AGBL1: variants seen among roughly 807,000 people sequenced by gnomAD.
The protein encoded by AGBL1 is AGBL carboxypeptidase 1, also known as cytosolic carboxypeptidase 4.
AGBL1 carries 130 observed loss-of-function variants against 118.9 expected under a neutral mutation model. That is an observed-to-expected ratio of 1.09 (90% CI 0.95 to 1.26). The LOEUF is 1.26. AGBL1 is among the 50% of genes most tolerant of loss of function. AGBL1 has a pLI of 0.00. For synonymous variants in AGBL1, 555 were observed against 478.9 expected (o/e 1.16, Z -2.08); for missense variants, 1,584 against 1,298.1 (o/e 1.22, Z -3.38).
At chr15:86,354,834 A>G (rs1217729518) in intron 17 of AGBL1, among the ~76,000 whole-genome samples, 4 of 152,238 alleles carry the variant, frequency 2.6e-5, no homozygotes, top group African/African-American at 9.6e-5. Context: ...GTAATTGTAC[A>G]AGCCATTAAA....
intron 22 of AGBL1, among the ~76,000 whole-genome samples, chr15:86,807,926 G>A (rs916809081): frequency 1.3e-5 from 2 of 152,114 alleles, no homozygotes; most frequent in South Asian, 4.1e-4. Context: ...GCATCAGAGT[G>A]TGAATATAAG....
chr15:86,831,871 G>T (rs551211102), intron 22 of AGBL1, among the ~76,000 whole-genome samples: 2 of 152,158 alleles, frequency 1.3e-5, no homozygotes, highest in African/African-American at 4.8e-5. Flanking sequence ...CCCTAGCAGA[G>T]GTTCTCCATG....
intron 22 of AGBL1, among the ~76,000 whole-genome samples, chr15:86,701,725 C>A (rs2086362170): frequency 1.4e-5 from 2 of 143,954 alleles, no homozygotes; most frequent in Non-Finnish European, 3.0e-5. Context: ...CCACTCCCTT[C>A]CCTCCACTCC....
intron 22 of AGBL1, among the ~76,000 whole-genome samples, chr15:86,722,084 A>G (rs1310580889): frequency 1.3e-5 from 2 of 152,120 alleles, no homozygotes; most frequent in Admixed American, 6.5e-5. Flanking sequence ...ATACTGCCCA[A>G]GGTAATTTAT....
At chr15:86,748,089 A>C (rs1402007891) in intron 22 of AGBL1, among the ~76,000 whole-genome samples, 3 of 152,034 alleles carry the variant, frequency 2.0e-5, no homozygotes, top group African/African-American at 4.8e-5. Flanking sequence ...GTTTATAATC[A>C]CATCAACAGT....
At chr15:86,509,802 C>T (rs551307870) in intron 18 of AGBL1, among the ~76,000 whole-genome samples, 1 of 152,168 alleles carries the variant, frequency 6.6e-6, no homozygotes, top group African/African-American at 2.4e-5. Context: ...GAGAAAGTCA[C>T]CTTGGATAGA....
intron 22 of AGBL1, among the ~76,000 whole-genome samples, chr15:86,837,945 A>G (rs1039757563): frequency 6.6e-6 from 1 of 152,188 alleles, no homozygotes; most frequent in Non-Finnish European, 1.5e-5. Flanking sequence ...TTCTCTGTGC[A>G]ATCCGGAATG....
intron 22 of AGBL1, among the ~76,000 whole-genome samples, chr15:86,753,760 C>T (rs1027416854): frequency 6.6e-6 from 1 of 152,044 alleles, no homozygotes; most frequent in Admixed American, 6.6e-5. Context: ...AGAGATGCCC[C>T]TTTATCTCAC....
chr15:86,605,113 G>A (rs1024791014), intron 21 of AGBL1, among the ~76,000 whole-genome samples: 4 of 151,644 alleles, frequency 2.6e-5, no homozygotes, highest in African/African-American at 9.7e-5. Flanking sequence ...TTTCATATGT[G>A]GTAGTCAAAA....
At chr15:86,843,969 T>C (rs1013246895) in intron 22 of AGBL1, among the ~76,000 whole-genome samples, 1 of 152,212 alleles carries the variant, frequency 6.6e-6, no homozygotes, top group Non-Finnish European at 1.5e-5. Flanking sequence ...GGAAGTTTTA[T>C]ATAAATAGTG....
At chr15:86,836,887 T>G (rs933060139) in intron 22 of AGBL1, among the ~76,000 whole-genome samples, 6 of 152,242 alleles carry the variant, frequency 3.9e-5, no homozygotes, top group Non-Finnish European at 8.8e-5. Flanking sequence ...ATCACTCTTT[T>G]GTTTCCTTTA....
At chr15:86,536,369 G>C (rs893612417) in intron 19 of AGBL1, among the ~76,000 whole-genome samples, 1 of 152,040 alleles carries the variant, frequency 6.6e-6, no homozygotes, top group Non-Finnish European at 1.5e-5. Flanking sequence ...GGAGTGCAGC[G>C]GTGCAATCTC....
chr15:86,827,937 G>GTTTTTTTTTTTTTTTTTTTTTT (rs71460225), intron 22 of AGBL1, among the ~76,000 whole-genome samples: 16 of 7,782 alleles, frequency 2.1e-3, no homozygotes, highest in Admixed American at 2.7e-3. Context: ...TTGATGTAGG[G>GTTTTTTTTTTTTTTTTTTTTTT]CTTTTTTTTT....
At chr15:86,098,901 T>C (rs1896544937) in intron 1 of AGBL1, among the ~76,000 whole-genome samples, 2 of 152,076 alleles carry the variant, frequency 1.3e-5, no homozygotes, top group Non-Finnish European at 2.9e-5. Flanking sequence ...TTGCTTTGGG[T>C]AGTATGGTTG....
intron 21 of AGBL1, among the ~76,000 whole-genome samples, chr15:86,605,539 C>A (rs187700050): frequency 1.3e-5 from 2 of 152,212 alleles, no homozygotes; most frequent in African/African-American, 4.8e-5. Context: ...GGATTGGAAG[C>A]CAGTTGGGCT....
At chr15:86,675,200 A>G (rs535804480) in intron 22 of AGBL1, among the ~76,000 whole-genome samples, 1 of 152,230 alleles carries the variant, frequency 6.6e-6, no homozygotes, top group South Asian at 2.1e-4. Flanking sequence ...TGGATGGAGA[A>G]ATTGAGTTGT....
At chr15:86,805,576 C>T (rs893544827) in intron 22 of AGBL1, among the ~76,000 whole-genome samples, 14 of 152,044 alleles carry the variant, frequency 9.2e-5, no homozygotes, top group South Asian at 2.1e-4. Flanking sequence ...TACAAGATTA[C>T]GAATTGTTTG....
At chr15:86,840,561 C>T (rs2079230693) in intron 22 of AGBL1, among the ~76,000 whole-genome samples, 1 of 152,110 alleles carries the variant, frequency 6.6e-6, no homozygotes, top group Admixed American at 6.5e-5. Flanking sequence ...TTTCTCCTGC[C>T]TCACCTCCCG....
At chr15:86,832,451 C>T (rs2079117883) in intron 22 of AGBL1, among the ~76,000 whole-genome samples, 1 of 152,102 alleles carries the variant, frequency 6.6e-6, no homozygotes, top group African/African-American at 2.4e-5. Context: ...TTAACAGTAC[C>T]CTAGTCACCT....
Sources: allele counts gnomAD v4.1 joint callset (sites outside exome capture counted in the v4.1 genomes callset), GRCh38; gene constraint gnomAD v4.1.1; transcripts MANE v1.5; gene names NCBI Gene and HGNC (gene_info 2026-07-23, HGNC 2026-07-21).